SNTG1: variants seen among roughly 807,000 people sequenced by gnomAD.
SNTG1 encodes gamma-1-syntrophin.
SNTG1 carries 39 observed loss-of-function variants against 74.7 expected under a neutral mutation model. The observed-to-expected ratio is 0.52, with a 90% CI of 0.40 to 0.68. The LOEUF (loss-of-function observed/expected upper bound fraction) is 0.68, where lower values mean the gene tolerates loss of function less well. SNTG1 is among the 30% of genes least tolerant of loss of function. The pLI is 0.00. For missense variants in SNTG1, 685 were observed against 609.5 expected, an observed-to-expected ratio of 1.12 and a Z score of -1.30; for synonymous variants, 254 against 217.1, an observed-to-expected ratio of 1.17 and a Z score of -1.49.
chr8:49,955,936 C>T (rs996800667), intron 1 of SNTG1, among the ~76,000 whole-genome samples: 2 of 152,186 alleles, frequency 1.3e-5, no homozygotes, highest in Non-Finnish European at 2.9e-5. Flanking sequence ...TTCTAGGACC[C>T]AAGTATGTCA....
chr8:49,961,262 G>A (rs1810658951), intron 1 of SNTG1, among the ~76,000 whole-genome samples: 1 of 152,148 alleles, frequency 6.6e-6, no homozygotes, highest in Non-Finnish European at 1.5e-5. Context: ...ATGCAGCAAT[G>A]CTACTAACAT....
chr8:50,391,174 T>A, intron 2 of SNTG1, among the ~76,000 whole-genome samples: 1 of 152,180 alleles, frequency 6.6e-6, no homozygotes, highest in East Asian at 1.9e-4. Flanking sequence ...TGCTTCCAGT[T>A]TTTGCCCATT....
At chr8:50,306,949 T>A (rs1265432542) in intron 2 of SNTG1, among the ~76,000 whole-genome samples, 3 of 152,092 alleles carry the variant, frequency 2.0e-5, no homozygotes, top group Non-Finnish European at 4.4e-5. Context: ...TATATCTGTT[T>A]TTAAATTTTA....
chr8:50,095,116 G>C (rs986448680), intron 1 of SNTG1, among the ~76,000 whole-genome samples: 11 of 152,108 alleles, frequency 7.2e-5, no homozygotes, highest in African/African-American at 2.2e-4. Context: ...AATACACATA[G>C]ACAAAAAGAC....
chr8:49,916,334 T>C (rs1292373198), intron 1 of SNTG1, among the ~76,000 whole-genome samples: 1 of 152,196 alleles, frequency 6.6e-6, no homozygotes, highest in Non-Finnish European at 1.5e-5. Context: ...GTGAAGTTTC[T>C]TCAGCACATT....
At chr8:50,014,068 A>T (rs1216267171) in intron 1 of SNTG1, among the ~76,000 whole-genome samples, 2 of 152,176 alleles carry the variant, frequency 1.3e-5, no homozygotes, top group African/African-American at 4.8e-5. Flanking sequence ...CTACAGTATG[A>T]CAGCAGGCCC....
At chr8:50,191,785 A>G (rs1278675534) in intron 2 of SNTG1, among the ~76,000 whole-genome samples, 1 of 151,972 alleles carries the variant, frequency 6.6e-6, no homozygotes, top group African/African-American at 2.4e-5. Flanking sequence ...TATCCATGCA[A>G]GGAACGTGTT....
chr8:50,513,035 A>G (rs895824513), intron 9 of SNTG1, among the ~76,000 whole-genome samples: 5 of 151,996 alleles, frequency 3.3e-5, no homozygotes, highest in East Asian at 1.9e-4. Context: ...TTTTTTCCCC[A>G]TCTTTATGAT....
chr8:50,214,184 C>T (rs2084661070), intron 2 of SNTG1, among the ~76,000 whole-genome samples: 1 of 143,414 alleles, frequency 7.0e-6, no homozygotes, highest in South Asian at 2.2e-4. Flanking sequence ...CGCATATTCT[C>T]ACTCATAGGT....
chr8:50,158,710 C>T (rs559595560), intron 1 of SNTG1, among the ~76,000 whole-genome samples: 1 of 152,024 alleles, frequency 6.6e-6, no homozygotes, highest in East Asian at 1.9e-4. Flanking sequence ...TTTCTCTATT[C>T]CTTATTACAT....
intron 2 of SNTG1, among the ~76,000 whole-genome samples, chr8:50,377,464 T>C (rs1424467354): frequency 6.6e-6 from 1 of 152,158 alleles, no homozygotes; most frequent in Non-Finnish European, 1.5e-5. Context: ...AAACATCTCA[T>C]TTGTTTTTTT....
chr8:50,638,164 T>A (rs148275098), intron 13 of SNTG1, among the ~76,000 whole-genome samples: 2 of 152,128 alleles, frequency 1.3e-5, no homozygotes, highest in East Asian at 3.9e-4. Flanking sequence ...CTCTAGAAAC[T>A]AGAAAACAAA....
chr8:50,295,288 G>A (rs1225571579), intron 2 of SNTG1, among the ~76,000 whole-genome samples: 1 of 152,118 alleles, frequency 6.6e-6, no homozygotes, highest in Non-Finnish European at 1.5e-5. Context: ...TTGATAGGAG[G>A]TTGAACATAG....
At chr8:50,503,016 T>C in intron 9 of SNTG1, 136 bp downstream of exon 9, 1 of 658,504 alleles carries the variant, frequency 1.5e-6, no homozygotes, top group Non-Finnish European at 2.6e-6. Flanking sequence ...TTACAAAGTG[T>C]TCTACTAACC....
At chr8:49,936,272 A>AG (rs1417911552) in intron 1 of SNTG1, among the ~76,000 whole-genome samples, 1 of 152,172 alleles carries the variant, frequency 6.6e-6, no homozygotes, top group Non-Finnish European at 1.5e-5. Context: ...TTAGATACAA[A>AG]GAACATTTTC....
At chr8:50,243,105 A>T (rs1019450508) in intron 2 of SNTG1, among the ~76,000 whole-genome samples, 4 of 152,184 alleles carry the variant, frequency 2.6e-5, no homozygotes, top group African/African-American at 9.6e-5. Context: ...AACAAAAAAC[A>T]TGTATCTATG....
intron 1 of SNTG1, among the ~76,000 whole-genome samples, chr8:50,020,526 A>G (rs760272250): frequency 6.6e-6 from 1 of 152,168 alleles, no homozygotes; most frequent in Non-Finnish European, 1.5e-5. Flanking sequence ...TTTGAAATAT[A>G]TTTTATCTGT....
chr8:49,966,981 A>G (rs1811201177), intron 1 of SNTG1, among the ~76,000 whole-genome samples: 1 of 152,152 alleles, frequency 6.6e-6, no homozygotes, highest in Non-Finnish European at 1.5e-5. Context: ...TCAATAATCT[A>G]TAAACAATGT....
intron 2 of SNTG1, among the ~76,000 whole-genome samples, chr8:50,199,096 T>C (rs914292558): frequency 4.6e-5 from 7 of 152,188 alleles, no homozygotes; most frequent in African/African-American, 1.7e-4. Context: ...CGGTGGAAGA[T>C]AGTTTCTTCT....
Sources: gnomAD v4.1 joint callset for allele counts (sites outside exome capture counted in the v4.1 genomes callset) on GRCh38, gnomAD v4.1.1 for gene constraint, MANE v1.5 for transcripts, NCBI Gene and HGNC (gene_info 2026-07-23, HGNC 2026-07-21) for gene names.